Variants in PPP1R12A observed in about 807,000 individuals in gnomAD.
PPP1R12A encodes protein phosphatase 1 regulatory subunit 12A, also known as myosin binding subunit.
Under a neutral mutation model 139.6 loss-of-function variants are expected in PPP1R12A, and 19 were observed. The ratio of observed to expected loss-of-function variants is 0.14; its 90% CI spans 0.09 to 0.20. The LOEUF is 0.20. Among genes scored for constraint, PPP1R12A ranks in the 10% least tolerant of loss-of-function variants. The pLI, the probability that PPP1R12A is intolerant of heterozygous loss-of-function variation, is 1.00. For synonymous variants in PPP1R12A, 427 were observed against 420.6 expected (o/e 1.02, Z -0.19); for missense variants, 925 against 1,211.5 (o/e 0.76, Z 3.51).
At chr12:79,898,558 TAC>T (rs1234175365) in intron 1 of PPP1R12A, among the ~76,000 whole-genome samples, 1 of 152,226 alleles carries the variant, frequency 6.6e-6, no homozygotes, top group Non-Finnish European at 1.5e-5. Context: ...CATAAGTTTT[TAC>T]AGTTTCACAC....
At chr12:79,929,997 A>C (rs1315296628) in intron 1 of PPP1R12A, among the ~76,000 whole-genome samples, 1 of 152,198 alleles carries the variant, frequency 6.6e-6, no homozygotes, top group Non-Finnish European at 1.5e-5. Flanking sequence ...TTTAGTGAGC[A>C]TCTACTATGT....
At chr12:79,892,124 T>G (rs1027125273) in intron 1 of PPP1R12A, among the ~76,000 whole-genome samples, 2 of 152,204 alleles carry the variant, frequency 1.3e-5, no homozygotes, top group Admixed American at 6.5e-5. Context: ...CTTCACTGCT[T>G]AAGCTTATGT....
chr12:79,777,546 T>A (rs576094926), intron 24 of PPP1R12A: 1 of 985,198 alleles, frequency 1.0e-6, no homozygotes, highest in Non-Finnish European at 1.2e-6. Flanking sequence ...CAGTTGCCTA[T>A]AGAACCCTGA....
At chr12:79,842,368 A>G (rs1308789550) in intron 3 of PPP1R12A, among the ~76,000 whole-genome samples, 2 of 152,102 alleles carry the variant, frequency 1.3e-5, no homozygotes, top group Non-Finnish European at 2.9e-5. Context: ...AAGGAATAAA[A>G]ATCTCCTTTC....
At position 79,776,135 on chromosome 12, in the gene PPP1R12A, T is replaced by C. The variant is rs1592593902; in HGVS notation, c.3007-120A>G. The C allele has an allele frequency of 1.2e-5, 7 of 562,986 alleles. No individual in the cohort carries two copies. The East Asian group carries it at 1.9e-4, about 15-fold the overall frequency. 34.9% of individuals were successfully genotyped at this position (562,986 alleles called of 1,614,324 possible). The stretch of plus-strand genomic sequence containing the variant: ...ATGATCAAGCTTTGTCAGTTATATA[T>C]ATTTCTAGTATCTAAAACATGTATC... On this transcript the variant is annotated intron_variant, in intron 24 of 24. Transcript: ENST00000450142.
Position 79,906,486 on chromosome 12 carries a change from T to C in PPP1R12A, c.237+28209A>G, listed in dbSNP as rs114392551. Among the ~76,000 whole-genome samples, 1,087 of 152,268 alleles carry C rather than the reference T, an allele frequency of 7.1e-3. 15 individuals carry two copies. Among genetic ancestry groups the C allele is most frequent in the African/African-American group, 0.025 (1,037 of 41,566 alleles). On this transcript the variant is annotated intron_variant, in intron 1 of 24. Transcript: ENST00000450142. ...TATACGGCAGATATATTACCATTAA[T>C]ATTTTTTAAAAAGCTAAAACACATC... is the stretch of plus-strand genomic sequence containing the variant.
chr12:79,884,683 AT>A, intron 1 of PPP1R12A, among the ~76,000 whole-genome samples: 1 of 152,158 alleles, frequency 6.6e-6, no homozygotes, highest in South Asian at 2.1e-4. Context: ...AACGGCTCAA[AT>A]ACACTTTCAA....
At chr12:79,843,862 G>A (rs906099981) in intron 3 of PPP1R12A, among the ~76,000 whole-genome samples, 29 of 151,282 alleles carry the variant, frequency 1.9e-4, no homozygotes, top group African/African-American at 6.1e-4. Flanking sequence ...CCACCACCAC[G>A]CCCAGCTAAT....
At chr12:79,843,594 ACT>A (rs541163234) in intron 3 of PPP1R12A, among the ~76,000 whole-genome samples, 92 of 150,276 alleles carry the variant, frequency 6.1e-4, no homozygotes, top group Non-Finnish European at 9.1e-4. Context: ...ACAGAGCAAG[ACT>A]CTGTCTCAAA....
In PPP1R12A at chr12:79,774,075, CT is replaced by C; in HGVS notation, c.*1853del. The C allele has an allele frequency of 6.6e-6, 1 of 152,262 alleles. No homozygotes were observed. The highest frequency in any genetic ancestry group is 1.9e-4 in the East Asian group (1 of 5,174). The allele number at this position is 152,262 out of a possible 1,614,324, so 9.4% of individuals were successfully genotyped here. ...TTCACAAATATAAACCATAGCATGC[CT>C]AACTGTTGTGCAACCAGAACATGTT... On this transcript the variant is annotated 3_prime_UTR_variant, in exon 25 of 25. Transcript: ENST00000450142.
At chr12:79,917,127 A>G (rs1887057165) in intron 1 of PPP1R12A, among the ~76,000 whole-genome samples, 1 of 152,172 alleles carries the variant, frequency 6.6e-6, no homozygotes, top group African/African-American at 2.4e-5. Flanking sequence ...GTATTCCCAC[A>G]TATAAAGACT....
intron 3 of PPP1R12A, among the ~76,000 whole-genome samples, chr12:79,838,949 C>A (rs1333908893): frequency 6.6e-6 from 1 of 152,162 alleles, no homozygotes; most frequent in Non-Finnish European, 1.5e-5. Flanking sequence ...CTTCCAGACC[C>A]CAGAATGACA....
intron 1 of PPP1R12A, among the ~76,000 whole-genome samples, chr12:79,895,025 T>A (rs1470042936): frequency 6.6e-6 from 1 of 152,180 alleles, no homozygotes; most frequent in African/African-American, 2.4e-5. Context: ...TTCTCCCTAG[T>A]AAAATAAAAG....
intron 1 of PPP1R12A, among the ~76,000 whole-genome samples, chr12:79,930,547 T>C (rs1233461308): frequency 6.6e-6 from 1 of 152,018 alleles, no homozygotes; most frequent in East Asian, 1.9e-4. Context: ...CCGAGGCAGG[T>C]GGATCACCTG....
intron 2 of PPP1R12A, among the ~76,000 whole-genome samples, chr12:79,857,203 C>G (rs1461413774): frequency 6.6e-6 from 1 of 151,964 alleles, no homozygotes; most frequent in African/African-American, 2.4e-5. Flanking sequence ...CAATGATAGA[C>G]TGGATTAAGA....
At chr12:79,833,052 T>C (rs186365474) in intron 3 of PPP1R12A, among the ~76,000 whole-genome samples, 14 of 152,230 alleles carry the variant, frequency 9.2e-5, no homozygotes, top group Non-Finnish European at 2.9e-5. Context: ...TAGTAAGTTA[T>C]ATAAATGTTC....
At chr12:79,796,527 T>C (rs1565743240) in intron 17 of PPP1R12A, among the ~76,000 whole-genome samples, 1 of 152,174 alleles carries the variant, frequency 6.6e-6, no homozygotes, top group African/African-American at 2.4e-5. Context: ...CAGTTCGATA[T>C]TAACTTTTCG....
At chr12:79,834,955 G>C (rs1877891618) in intron 3 of PPP1R12A, among the ~76,000 whole-genome samples, 1 of 152,158 alleles carries the variant, frequency 6.6e-6, no homozygotes, top group Non-Finnish European at 1.5e-5. Context: ...GAGATTCCTA[G>C]ATGGCTGGTG....
chr12:79,935,413 C>T, upstream of PPP1R12A: 1 of 991,412 alleles, frequency 1.0e-6, no homozygotes, highest in East Asian at 1.1e-4. Flanking sequence ...CCCGGGAATC[C>T]GGAGGCCAGC....
Sources: gnomAD v4.1 joint callset for allele counts (sites outside exome capture counted in the v4.1 genomes callset) on GRCh38, gnomAD v4.1.1 for gene constraint, MANE v1.5 for transcripts, NCBI Gene and HGNC (gene_info 2026-07-23, HGNC 2026-07-21) for gene names.